EPHA5: variants seen among roughly 807,000 people sequenced by gnomAD.
EPHA5 encodes the protein EPH receptor A5, also known as ephrin type-A receptor 5.
Under a neutral mutation model 105.0 loss-of-function variants are expected in EPHA5, and 60 were observed. The observed-to-expected ratio is 0.57, with a 90% confidence interval of 0.46 to 0.71. EPHA5 has a LOEUF of 0.71. Ranked by LOEUF, EPHA5 falls within the 30% of genes least tolerant of loss-of-function variation. The pLI is 0.00. For missense variants in EPHA5, 1,218 were observed against 1,274.7 expected, an observed-to-expected ratio of 0.96 and a Z score of 0.68; for synonymous variants, 513 against 449.1, an observed-to-expected ratio of 1.14 and a Z score of -1.80.
At chr4:65,390,293 T>A (rs1720579858) in intron 8 of EPHA5, among the ~76,000 whole-genome samples, 1 of 151,900 alleles carries the variant, frequency 6.6e-6, no homozygotes, top group Non-Finnish European at 1.5e-5. Context: ...CAGGCCCAGG[T>A]TCCAGGCAAC....
chr4:65,500,022 T>C (rs1578262655), intron 3 of EPHA5, among the ~76,000 whole-genome samples: 2 of 151,286 alleles, frequency 1.3e-5, no homozygotes, highest in African/African-American at 2.4e-5. Context: ...GTGTATTTCA[T>C]GGGTGGAATA....
chr4:65,491,257 C>T (rs1042808868), intron 4 of EPHA5, among the ~76,000 whole-genome samples: 1 of 149,902 alleles, frequency 6.7e-6, no homozygotes, highest in Non-Finnish European at 1.5e-5. Flanking sequence ...GAATTTGAAA[C>T]CCCCTACTGT....
chr4:65,481,516 T>G lies in EPHA5; in HGVS notation c.1402+8861A>C, dbSNP rs563030439. 3.3e-5 allele frequency among the ~76,000 whole-genome samples: 5 copies of G among 152,322 alleles called. 1 individual carries two copies. The East Asian group carries it at 5.8e-4, about 18-fold the overall frequency. On this transcript the variant is annotated intron_variant, in intron 5 of 16. Coordinates refer to ENST00000613740, the MANE Select transcript of EPHA5 (RefSeq NM_001281766.3). ...CATGACTGAGGAAGCTGCTCCTTCA[T>G]TTCTTCAATATCAAGTCCATACTTT... is the stretch of plus-strand genomic sequence containing the variant.
chr4:65,416,820 C>G (rs556868898), intron 6 of EPHA5, among the ~76,000 whole-genome samples: 1 of 152,116 alleles, frequency 6.6e-6, no homozygotes, highest in Non-Finnish European at 1.5e-5. Context: ...TCAAAACCAA[C>G]GAATACACAT....
intron 8 of EPHA5, among the ~76,000 whole-genome samples, chr4:65,381,104 A>C (rs924503905): frequency 7.3e-5 from 11 of 151,678 alleles, no homozygotes; most frequent in African/African-American, 2.7e-4. Flanking sequence ...GAAAGTTTTT[A>C]AGTGATATTA....
intron 14 of EPHA5, among the ~76,000 whole-genome samples, chr4:65,338,041 C>CT (rs923044813): frequency 2.6e-5 from 4 of 151,720 alleles, no homozygotes; most frequent in African/African-American, 9.7e-5. Flanking sequence ...ATTAACATAA[C>CT]TTATTAAAAT....
At chr4:65,326,726 G>A (rs922316608) in intron 16 of EPHA5, among the ~76,000 whole-genome samples, 1 of 151,190 alleles carries the variant, frequency 6.6e-6, no homozygotes, top group Non-Finnish European at 1.5e-5. Flanking sequence ...TTTATCATAT[G>A]TTTTATAAAC....
chr4:65,414,169 G>GGA, intron 7 of EPHA5, 115 bp downstream of exon 7: 6 of 920,452 alleles, frequency 6.5e-6, no homozygotes, highest in Admixed American at 5.9e-5. Flanking sequence ...GTCATGCCTG[G>GGA]GAGAGAGAGA....
chr4:65,438,032 A>G (rs2149078830), intron 5 of EPHA5, among the ~76,000 whole-genome samples: 2 of 152,104 alleles, frequency 1.3e-5, no homozygotes, highest in Middle Eastern at 6.8e-3. Flanking sequence ...ATCTGCTTAT[A>G]CAGCATCATA....
chr4:65,404,296 G>T (rs1227474734), intron 8 of EPHA5, 78 bp downstream of exon 8: 2 of 1,198,554 alleles, frequency 1.7e-6, no homozygotes, highest in Non-Finnish European at 2.5e-6. Context: ...TTTGGGATGT[G>T]CTCAACAGCC....
At position 65,322,328 on chromosome 4, in the gene EPHA5, G is replaced by A. The variant is rs2148771585; in HGVS notation, c.*1786C>T. On this transcript the variant is annotated 3_prime_UTR_variant, in exon 17 of 17. Transcript: ENST00000613740. Reference sequence around the variant, plus strand: ...TTCCCAAAAGTTTATTCTTATATGTGCTAATATTCAAATAAAACAAGTGCT... The same window carrying A: ...TTCCCAAAAGTTTATTCTTATATGTACTAATATTCAAATAAAACAAGTGCT... 1 of 223,914 alleles carries A rather than the reference G, an allele frequency of 4.5e-6. No individual in the cohort carries two copies. The highest frequency in any genetic ancestry group is 1.8e-4 in the South Asian group (1 of 5,462). The allele number at this position is 223,914 out of a possible 1,614,324, so 13.9% of individuals were successfully genotyped here. A position where few individuals can be genotyped will look rare whatever the true frequency, so the allele number is the denominator to read the frequency against.
rs1720272200 is a variant in EPHA5, at chr4:65,328,284, G to A, written c.2945+3689C>T. Among the ~76,000 whole-genome samples the A allele has an allele frequency of 2.6e-5, 4 of 151,204 alleles. No homozygotes were observed. The South Asian group carries it at 8.3e-4, about 31-fold the overall frequency. On this transcript the variant is annotated intron_variant, in intron 16 of 16. Transcript: ENST00000613740. ...AGAAAAGCTTCAAATGTTATGAACTGTCATTGTTGGGTTTACATTTCAGTA... is the reference window on the plus strand; with the variant it reads ...AGAAAAGCTTCAAATGTTATGAACTATCATTGTTGGGTTTACATTTCAGTA...
chr4:65,587,231 C>A (rs6834811), intron 3 of EPHA5, among the ~76,000 whole-genome samples: 74,214 of 151,712 alleles, frequency 0.49, 19,845 homozygotes, highest in Middle Eastern at 0.65. Flanking sequence ...CTAAAGATCC[C>A]ACCAGGTCCA....
intron 3 of EPHA5, among the ~76,000 whole-genome samples, chr4:65,500,527 T>G (rs1732380000): frequency 6.7e-6 from 1 of 149,696 alleles, no homozygotes; most frequent in South Asian, 2.1e-4. Context: ...AGAAATTGTT[T>G]AAAGATTCTC....
At chr4:65,414,055 G>A (rs1723157996) in intron 7 of EPHA5, among the ~76,000 whole-genome samples, 1 of 152,134 alleles carries the variant, frequency 6.6e-6, no homozygotes, top group South Asian at 2.1e-4. Flanking sequence ...AGTATCTCCT[G>A]AAGTACCATC....
chr4:65,393,567 T>C (rs1340157926), intron 8 of EPHA5, among the ~76,000 whole-genome samples: 1 of 152,208 alleles, frequency 6.6e-6, no homozygotes. Context: ...TGTCCCAAGG[T>C]TTTATCCAAT....
At chr4:65,498,637 A>T (rs1021016043) in intron 3 of EPHA5, among the ~76,000 whole-genome samples, 1 of 151,902 alleles carries the variant, frequency 6.6e-6, no homozygotes, top group African/African-American at 2.4e-5. Flanking sequence ...TTAATGGGTT[A>T]GATGACTTAG....
intron 5 of EPHA5, among the ~76,000 whole-genome samples, chr4:65,452,193 T>C (rs1445211319): frequency 1.3e-5 from 2 of 152,206 alleles, no homozygotes; most frequent in Non-Finnish European, 2.9e-5. Flanking sequence ...CTGTACATTT[T>C]ATTGGTAAGT....
intron 3 of EPHA5, among the ~76,000 whole-genome samples, chr4:65,581,285 G>T (rs1282341932): frequency 6.6e-6 from 1 of 151,600 alleles, no homozygotes; most frequent in African/African-American, 2.4e-5. Context: ...TCTTTTTCAC[G>T]TATACATGAA....
Sources: gnomAD v4.1 joint callset for allele counts (sites outside exome capture counted in the v4.1 genomes callset) on GRCh38, gnomAD v4.1.1 for gene constraint, MANE v1.5 for transcripts, NCBI Gene and HGNC (gene_info 2026-07-23, HGNC 2026-07-21) for gene names.